CFAP210: variants seen among roughly 807,000 people sequenced by gnomAD.
CFAP210 encodes the protein cilia and flagella associated protein 210, also known as cilia- and flagella- associated protein 210.
At chr2:169,646,458 T>TA in the CFAP210 span, among the ~76,000 whole-genome samples, 1 of 152,154 alleles carries the variant, frequency 6.6e-6, no homozygotes, top group Non-Finnish European at 1.5e-5. Flanking sequence ...AAAACTCAGG[T>TA]AACTGAGTTT....
chr2:169,675,045 A>G, the CFAP210 span: 2 of 1,471,138 alleles, frequency 1.4e-6, no homozygotes, highest in African/African-American at 2.9e-5. Flanking sequence ...CATCCCCTGT[A>G]AAAAGACAAA....
chr2:169,677,640 T>C, the CFAP210 span, among the ~76,000 whole-genome samples: 3 of 152,308 alleles, frequency 2.0e-5, no homozygotes, highest in East Asian at 5.8e-4. Context: ...GAGTACTTTT[T>C]CCCCAAAGTC....
At chr2:169,655,171 T>A in the CFAP210 span, among the ~76,000 whole-genome samples, 2 of 152,190 alleles carry the variant, frequency 1.3e-5, no homozygotes, top group Admixed American at 6.5e-5. Context: ...AGACAGGGTG[T>A]CTGTTGCCCA....
At chr2:169,692,492 C>G in the CFAP210 span, among the ~76,000 whole-genome samples, 5 of 147,396 alleles carry the variant, frequency 3.4e-5, no homozygotes, top group African/African-American at 1.3e-4. Flanking sequence ...CACACAGAGA[C>G]AGAGAGAGAG....
At chr2:169,681,039 C>T in the CFAP210 span, 1 of 1,613,894 alleles carries the variant, frequency 6.2e-7, no homozygotes, top group Non-Finnish European at 8.5e-7. Flanking sequence ...TTTACCACTT[C>T]TTGAGATCGC....
the CFAP210 span, among the ~76,000 whole-genome samples, chr2:169,679,984 T>C: frequency 1.3e-5 from 2 of 152,094 alleles, no homozygotes; most frequent in African/African-American, 2.4e-5. Context: ...AGTCAAGATA[T>C]AGAGTGGGAG....
At chr2:169,652,999 C>CAAA in the CFAP210 span, among the ~76,000 whole-genome samples, 3 of 7,732 alleles carry the variant, frequency 3.9e-4, no homozygotes, top group African/African-American at 1.3e-3. Context: ...GACTCCGTCT[C>CAAA]AAAAAAAAAA....
the CFAP210 span, among the ~76,000 whole-genome samples, chr2:169,673,100 G>A: frequency 4.6e-5 from 7 of 152,154 alleles, no homozygotes; most frequent in East Asian, 3.8e-4. Flanking sequence ...TTATGCTGAC[G>A]TCAGAGCTTG....
the CFAP210 span, among the ~76,000 whole-genome samples, chr2:169,652,890 C>T: frequency 6.9e-6 from 1 of 145,812 alleles, no homozygotes; most frequent in Non-Finnish European, 1.5e-5. Flanking sequence ...GTCCCAACTA[C>T]TTGGGAGGCT....
At chr2:169,675,229 T>C in the CFAP210 span, among the ~76,000 whole-genome samples, 1 of 152,214 alleles carries the variant, frequency 6.6e-6, no homozygotes, top group African/African-American at 2.4e-5. Flanking sequence ...ATAACACATT[T>C]ACATGGTTCA....
chr2:169,664,654 T>C, the CFAP210 span, among the ~76,000 whole-genome samples: 1 of 152,230 alleles, frequency 6.6e-6, no homozygotes, highest in African/African-American at 2.4e-5. Flanking sequence ...ATAACATTCA[T>C]ATCATTACTT....
the CFAP210 span, among the ~76,000 whole-genome samples, chr2:169,653,786 C>T: frequency 6.6e-6 from 1 of 152,012 alleles, no homozygotes; most frequent in East Asian, 1.9e-4. Flanking sequence ...CATTTCTTAC[C>T]TACTCACCCT....
At chr2:169,690,227 G>C in the CFAP210 span, among the ~76,000 whole-genome samples, 2 of 152,098 alleles carry the variant, frequency 1.3e-5, no homozygotes, top group Non-Finnish European at 2.9e-5. Context: ...ATGATCTATA[G>C]TTTTCTTGTG....
the CFAP210 span, among the ~76,000 whole-genome samples, chr2:169,670,026 C>G: frequency 6.6e-5 from 10 of 152,228 alleles, no homozygotes; most frequent in South Asian, 2.1e-4. Flanking sequence ...TAATCTTTAT[C>G]TAGGAAAAAG....
At chr2:169,660,510 G>C in the CFAP210 span, among the ~76,000 whole-genome samples, 1 of 149,786 alleles carries the variant, frequency 6.7e-6, no homozygotes, top group Non-Finnish European at 1.5e-5. Context: ...TTTTGCACTT[G>C]GTTTGTGTCT....
the CFAP210 span, chr2:169,681,223 G>A: frequency 6.2e-7 from 1 of 1,606,072 alleles, no homozygotes. Flanking sequence ...CTTCTTCAGA[G>A]TTTCTTATTT....
the CFAP210 span, among the ~76,000 whole-genome samples, chr2:169,667,358 C>G: frequency 1.3e-5 from 2 of 151,950 alleles, no homozygotes; most frequent in African/African-American, 4.8e-5. Context: ...AGGCTGGTCT[C>G]GAACTCCTGA....
At chr2:169,670,265 T>C in the CFAP210 span, among the ~76,000 whole-genome samples, 1 of 152,126 alleles carries the variant, frequency 6.6e-6, no homozygotes, top group African/African-American at 2.4e-5. Flanking sequence ...CCCTCTATTT[T>C]GGGATTTTGG....
At chr2:169,649,223 T>G in the CFAP210 span, 2 of 1,612,548 alleles carry the variant, frequency 1.2e-6, no homozygotes, top group East Asian at 4.5e-5. Context: ...TGATGTTCTT[T>G]ATCAGCTTTG....
Sources: gnomAD v4.1 joint callset for allele counts (sites outside exome capture counted in the v4.1 genomes callset) on GRCh38, gnomAD v4.1.1 for gene constraint, MANE v1.5 for transcripts, NCBI Gene and HGNC (gene_info 2026-07-23, HGNC 2026-07-21) for gene names.